MGLL: variants seen among roughly 807,000 people sequenced by gnomAD.
The protein encoded by MGLL is monoglyceride lipase.
In MGLL, 7 loss-of-function variants were observed where a neutral mutation model predicts 29.1. The observed-to-expected ratio is 0.24, with a 90% confidence interval of 0.14 to 0.45. MGLL has a LOEUF of 0.45. MGLL is among the 20% of genes least tolerant of loss of function. The pLI is 0.99. For missense variants in MGLL, 356 were observed against 413.6 expected, an observed-to-expected ratio of 0.86 and a Z score of 1.21; for synonymous variants, 148 against 168.3, an observed-to-expected ratio of 0.88 and a Z score of 0.93.
chr3:127,755,913 A>G (rs1202168057), intron 3 of MGLL, among the ~76,000 whole-genome samples: 1 of 152,078 alleles, frequency 6.6e-6, no homozygotes, highest in African/African-American at 2.4e-5. Context: ...CTGAAACCTG[A>G]TTTTATTCAG....
At chr3:127,726,190 A>AAAGAAAGAAAGAAAAG (rs1553758469) in intron 3 of MGLL, among the ~76,000 whole-genome samples, 71 of 74,298 alleles carry the variant, frequency 9.6e-4, no homozygotes, top group South Asian at 1.4e-3. Context: ...GAAAGAAAAG[A>AAAGAAAGAAAGAAAAG]AAAGAAAGAA....
chr3:127,707,444 C>A (rs1169333215), intron 6 of MGLL, among the ~76,000 whole-genome samples: 1 of 152,186 alleles, frequency 6.6e-6, no homozygotes, highest in Non-Finnish European at 1.5e-5. Flanking sequence ...TCTGATAAAG[C>A]CTTTTTGGGG....
intron 6 of MGLL, 137 bp from the exon 7 acceptor site, chr3:127,695,327 C>T: frequency 2.4e-6 from 2 of 824,234 alleles, no homozygotes; most frequent in Non-Finnish European, 3.9e-6. Context: ...TTGGGCATGG[C>T]TCTGAAGGCC....
Position 127,692,340 on chromosome 3 carries a change from C to G in MGLL, c.817-17G>C. 6.2e-7 allele frequency: 1 copy of G among 1,613,940 alleles called. No individual in the cohort carries two copies. The highest frequency in any genetic ancestry group is 8.5e-7 in the Non-Finnish European group (1 of 1,179,982). ...TTCATAAATCTGCAATGAGGAGAGA[C>G]ACGGAATCAGAGCTGCACCATCAGA... On this transcript the variant is annotated splice_polypyrimidine_tract_variant and intron_variant, in intron 7 of 7. Coordinates refer to ENST00000265052, the MANE Select transcript of MGLL (RefSeq NM_007283.7).
chr3:127,768,995 A>G (rs553169872), intron 3 of MGLL, among the ~76,000 whole-genome samples: 1 of 152,278 alleles, frequency 6.6e-6, no homozygotes, highest in South Asian at 2.1e-4. Context: ...CAGCCCTCAT[A>G]TCTAGAGATG....
At chr3:127,721,301 C>T (rs904736437) in intron 4 of MGLL, 138 bp from the exon 5 acceptor site, 8 of 678,736 alleles carry the variant, frequency 1.2e-5, no homozygotes, top group South Asian at 1.1e-4. Flanking sequence ...GAAGAGGCAC[C>T]ATCAAATGTT....
chr3:127,697,455 T>C (rs2075391010), intron 6 of MGLL, among the ~76,000 whole-genome samples: 1 of 152,290 alleles, frequency 6.6e-6, no homozygotes, highest in South Asian at 2.1e-4. Flanking sequence ...TCTCATTCTC[T>C]CCACTACACA....
intron 3 of MGLL, among the ~76,000 whole-genome samples, chr3:127,752,508 CCTT>C (rs961335222): frequency 5.9e-5 from 9 of 152,250 alleles, no homozygotes; most frequent in East Asian, 3.9e-4. Flanking sequence ...AGACCTAACT[CCTT>C]CTTTTTAATC....
At chr3:127,765,010 C>T (rs150869651) in intron 3 of MGLL, among the ~76,000 whole-genome samples, 107 of 152,314 alleles carry the variant, frequency 7.0e-4, no homozygotes, top group Non-Finnish European at 1.2e-3. Context: ...TAAACTGACT[C>T]AAATTCAGGC....
At chr3:127,735,892 C>A in intron 3 of MGLL, 1 of 1,557,164 alleles carries the variant, frequency 6.4e-7, no homozygotes, top group Non-Finnish European at 8.6e-7. Context: ...TCCTGTTCAG[C>A]TCTGCAAAGA....
Position 127,798,108 on chromosome 3 carries a change from G to T in MGLL, c.156-16213C>A, listed in dbSNP as rs572151107. ...AAATAATCATAACAGGTGGAAACCC[G>T]ATGTACCTACTAACAGTCAAAGACA... is the stretch of plus-strand genomic sequence containing the variant. On this transcript the variant is annotated intron_variant, in intron 2 of 7. Transcript: ENST00000265052. Among the ~76,000 whole-genome samples the T allele has an allele frequency of 2.0e-5, 3 of 152,294 alleles. No individual in the cohort carries two copies. The South Asian group carries it at 6.2e-4, about 32-fold the overall frequency.
Position 127,821,684 on chromosome 3 carries a change from G to C in MGLL, c.155+10C>G. On this transcript the variant is annotated intron_variant, in intron 2 of 7. Transcript: ENST00000265052. ...CTGTCACCTGGGGTGACTTTCTGGG[G>C]AAGACTTACTTGGGTGTGCCTGTGG... 6.2e-7 allele frequency: 1 copy of C among 1,614,050 alleles called. No homozygotes were observed. Among genetic ancestry groups the C allele is most frequent in the Non-Finnish European group, 8.5e-7 (1 of 1,179,926 alleles).
intron 3 of MGLL, among the ~76,000 whole-genome samples, chr3:127,759,947 G>A (rs1433250704): frequency 6.6e-6 from 1 of 152,210 alleles, no homozygotes; most frequent in African/African-American, 2.4e-5. Flanking sequence ...ACTTCTCCAC[G>A]ACTCTGAGGA....
intron 3 of MGLL, among the ~76,000 whole-genome samples, chr3:127,760,307 C>T (rs1328904973): frequency 2.6e-5 from 4 of 152,198 alleles, no homozygotes; most frequent in Admixed American, 6.5e-5. Context: ...GGCCACTCTG[C>T]CTCCACCCAG....
Position 127,692,232 on chromosome 3 carries a change from C to T in MGLL, c.908G>A (p.Arg303Lys). Residue 303 changes from arginine to lysine, a missense_variant, in exon 8 of 8, where the codon AGG becomes AAG. Arg to Lys is a conservative substitution (Grantham distance 26, BLOSUM62 2). Transcript: ENST00000265052. Reference sequence around the variant, plus strand: ...GGACGCAGTTCCTGCCGTGGCTGTCCTTTGAGAGACCCACATGTTTATTTC... The same window carrying T: ...GGACGCAGTTCCTGCCGTGGCTGTCTTTTGAGAGACCCACATGTTTATTTC... ...FHEINMWVSQ[R>K]TATAGTASPP 5 of 1,613,806 alleles carry T rather than the reference C, an allele frequency of 3.1e-6. No individual in the cohort carries two copies. The highest frequency in any genetic ancestry group is 4.2e-6 in the Non-Finnish European group (5 of 1,179,982).
chr3:127,814,318 C>T (rs2077715163), intron 2 of MGLL, among the ~76,000 whole-genome samples: 1 of 152,170 alleles, frequency 6.6e-6, no homozygotes, highest in South Asian at 2.1e-4. Flanking sequence ...CACTCGCTGA[C>T]CACCGCAGCA....
chr3:127,803,806 T>G (rs2077519677), intron 2 of MGLL, among the ~76,000 whole-genome samples: 1 of 152,174 alleles, frequency 6.6e-6, no homozygotes, highest in South Asian at 2.1e-4. Flanking sequence ...ATTCCCTCGT[T>G]CATCCCATTC....
In MGLL at chr3:127,812,777, G is replaced by C. The variant is rs772686788; in HGVS notation, c.155+8917C>G. Among the ~76,000 whole-genome samples the C allele has an allele frequency of 5.6e-4, 86 of 152,318 alleles. 1 individual carries two copies. Among genetic ancestry groups the C allele is most frequent in the Non-Finnish European group, 1.0e-3 (70 of 68,024 alleles). ...CCTGCACCAGCCATGTGGGAAAGGT[G>C]CTATTAGTCCTCATTTTAAAGATGA... On this transcript the variant is annotated intron_variant, in intron 2 of 7. Transcript: ENST00000265052.
chr3:127,741,939 G>T (rs184226032), intron 3 of MGLL, among the ~76,000 whole-genome samples: 157 of 152,256 alleles, frequency 1.0e-3, no homozygotes, highest in African/African-American at 3.6e-3. Flanking sequence ...CCCATCAGGG[G>T]ATACATCAAG....
Sources: gnomAD v4.1 joint callset for allele counts (sites outside exome capture counted in the v4.1 genomes callset) on GRCh38, gnomAD v4.1.1 for gene constraint, MANE v1.5 for transcripts, NCBI Gene and HGNC (gene_info 2026-07-23, HGNC 2026-07-21) for gene names.